DLG2: variants seen among roughly 807,000 people sequenced by gnomAD.
The protein encoded by DLG2 is discs large MAGUK scaffold protein 2, also known as disks large homolog 2.
A neutral mutation model predicts 132.5 loss-of-function variants in DLG2; 45 were observed. The observed-to-expected ratio is 0.34, with a 90% CI of 0.27 to 0.44. DLG2 has a LOEUF of 0.44. Ranked by LOEUF, DLG2 falls within the 20% of genes least tolerant of loss-of-function variation. The pLI, the probability that DLG2 is intolerant of heterozygous loss-of-function variation, is 1.00. For missense variants in DLG2, 1,045 were observed against 1,196.9 expected, an observed-to-expected ratio of 0.87 and a Z score of 1.87; for synonymous variants, 424 against 419.6, an observed-to-expected ratio of 1.01 and a Z score of -0.13.
intron 6 of DLG2, among the ~76,000 whole-genome samples, chr11:85,104,482 T>C (rs1354306249): frequency 6.6e-6 from 1 of 151,880 alleles, no homozygotes; most frequent in Admixed American, 6.6e-5. Flanking sequence ...TACTTCCGCT[T>C]ATAGGAAATA....
rs950500820 is a variant in DLG2, at chr11:85,433,683, C to T, written c.41-148318G>A. Among the ~76,000 whole-genome samples the T allele has an allele frequency of 3.3e-5, 5 of 152,250 alleles. No homozygotes were observed. The South Asian group carries it at 6.2e-4, about 19-fold the overall frequency. On this transcript the variant is annotated intron_variant, in intron 3 of 27. Coordinates refer to ENST00000376104, the MANE Select transcript of DLG2 (RefSeq NM_001142699.3). ...ATTCATAAAACAAGTTCTTACAGAC[C>T]TACAAAGAGACTTAGACTCCCACAC... is the stretch of plus-strand genomic sequence containing the variant.
intron 3 of DLG2, among the ~76,000 whole-genome samples, chr11:85,443,536 G>C (rs975216484): frequency 6.6e-6 from 1 of 152,132 alleles, no homozygotes; most frequent in Admixed American, 6.6e-5. Context: ...CAATCAATTA[G>C]AATTCCAATC....
At chr11:84,878,910 A>G (rs2086842000) in intron 6 of DLG2, among the ~76,000 whole-genome samples, 1 of 152,198 alleles carries the variant, frequency 6.6e-6, no homozygotes, top group Admixed American at 6.5e-5. Context: ...CCTGTGGCAA[A>G]GCAAGGACTA....
At chr11:84,866,390 T>C (rs960862169) in intron 6 of DLG2, among the ~76,000 whole-genome samples, 1 of 152,216 alleles carries the variant, frequency 6.6e-6, no homozygotes, top group Non-Finnish European at 1.5e-5. Context: ...GCAAAAAGCT[T>C]GTAGTAAGAT....
At chr11:83,837,511 C>T (rs1042703975) in intron 16 of DLG2, among the ~76,000 whole-genome samples, 1 of 152,064 alleles carries the variant, frequency 6.6e-6, no homozygotes, top group South Asian at 2.1e-4. Context: ...CATAGCACTA[C>T]TGACACTGCA....
intron 6 of DLG2, among the ~76,000 whole-genome samples, chr11:84,998,703 A>C (rs1226627574): frequency 1.3e-5 from 2 of 152,032 alleles, no homozygotes; most frequent in Non-Finnish European, 2.9e-5. Flanking sequence ...TATTAGCCTG[A>C]AATTATTATA....
At chr11:84,511,061 C>G (rs933792529) in intron 7 of DLG2, among the ~76,000 whole-genome samples, 3 of 152,050 alleles carry the variant, frequency 2.0e-5, no homozygotes, top group African/African-American at 7.2e-5. Flanking sequence ...GAAAATATAT[C>G]TGTTCCTGAG....
chr11:84,889,794 A>G (rs988145211), intron 6 of DLG2, among the ~76,000 whole-genome samples: 1 of 152,190 alleles, frequency 6.6e-6, no homozygotes, highest in Non-Finnish European at 1.5e-5. Context: ...TGGCATGTAC[A>G]TCTATCTCCT....
intron 9 of DLG2, among the ~76,000 whole-genome samples, chr11:84,143,013 A>C (rs1321723572): frequency 6.6e-6 from 1 of 152,134 alleles, no homozygotes; most frequent in Non-Finnish European, 1.5e-5. Flanking sequence ...GAAGACTAAA[A>C]TAGGAGTAAG....
chr11:84,749,033 C>A (rs568651196), intron 6 of DLG2, among the ~76,000 whole-genome samples: 90 of 152,092 alleles, frequency 5.9e-4, no homozygotes, highest in Non-Finnish European at 8.7e-4. Flanking sequence ...AAATAAATAA[C>A]TAAACAAATA....
intron 14 of DLG2, among the ~76,000 whole-genome samples, chr11:83,944,331 G>A (rs1565747268): frequency 1.3e-5 from 2 of 152,116 alleles, no homozygotes; most frequent in Non-Finnish European, 2.9e-5. Flanking sequence ...TGAAAAGTAA[G>A]TAAATAAATA....
intron 12 of DLG2, among the ~76,000 whole-genome samples, chr11:83,977,426 G>A (rs757828232): frequency 2.6e-5 from 4 of 151,926 alleles, no homozygotes; most frequent in East Asian, 1.9e-4. Context: ...GCAAGCCTTC[G>A]GAAAGTACAC....
At chr11:83,716,579 T>C (rs1322842079) in intron 18 of DLG2, among the ~76,000 whole-genome samples, 1 of 152,214 alleles carries the variant, frequency 6.6e-6, no homozygotes, top group Non-Finnish European at 1.5e-5. Flanking sequence ...CCAAATGCTC[T>C]TCAAAATGGA....
At chr11:84,065,645 G>A (rs7123054) in intron 10 of DLG2, among the ~76,000 whole-genome samples, 120,420 of 152,068 alleles carry the variant, frequency 0.79, 48,995 homozygotes, top group Middle Eastern at 0.92. Context: ...GCCATTGTGG[G>A]AAGGAGTTTG....
rs538319976 is a variant in DLG2 at position 85,210,656 on chromosome 11, GC to G, written c.187-56006del. ...GTCCCAACTGTCTGTATTCACCTCT[GC>G]ATGCTCTGAGGCCAAGCCTTCCCCA... On this transcript the variant is annotated intron_variant, in intron 4 of 27. Transcript: ENST00000376104. Among the ~76,000 whole-genome samples the G allele has an allele frequency of 2.6e-3, 390 of 152,108 alleles. 4 individuals are homozygous for G. The highest frequency in any genetic ancestry group is 9.1e-3 in the African/African-American group (377 of 41,482).
At chr11:84,698,311 G>A (rs2058836278) in intron 6 of DLG2, among the ~76,000 whole-genome samples, 1 of 151,492 alleles carries the variant, frequency 6.6e-6, no homozygotes, top group Non-Finnish European at 1.5e-5. Flanking sequence ...CAGACTGCCT[G>A]TGAACATTGA....
chr11:85,116,631 GAGA>G (rs895222410), intron 5 of DLG2, among the ~76,000 whole-genome samples: 1 of 151,996 alleles, frequency 6.6e-6, no homozygotes, highest in African/African-American at 2.4e-5. Flanking sequence ...TTTAAAAAAA[GAGA>G]AGATCAAATC....
At chr11:83,859,040 C>T (rs2061004728) in intron 16 of DLG2, among the ~76,000 whole-genome samples, 1 of 152,202 alleles carries the variant, frequency 6.6e-6, no homozygotes, top group African/African-American at 2.4e-5. Context: ...GTGACTTGCT[C>T]CTCCTTGCCT....
intron 6 of DLG2, among the ~76,000 whole-genome samples, chr11:84,822,610 CA>C (rs1422915155): frequency 6.6e-6 from 1 of 151,844 alleles, no homozygotes; most frequent in Non-Finnish European, 1.5e-5. Flanking sequence ...ATGGCAGGGT[CA>C]CAGGAACTAG....
Sources: allele counts gnomAD v4.1 joint callset (sites outside exome capture counted in the v4.1 genomes callset), GRCh38; gene constraint gnomAD v4.1.1; transcripts MANE v1.5; gene names NCBI Gene and HGNC (gene_info 2026-07-23, HGNC 2026-07-21).